Variants in DYNC2I1 observed in about 807,000 individuals in gnomAD.
DYNC2I1 encodes the protein dynein 2 intermediate chain 1, also known as cytoplasmic dynein 2 intermediate chain 1.
A neutral mutation model predicts 133.4 loss-of-function variants in DYNC2I1; 89 were observed. The observed-to-expected ratio is 0.67, with a 90% CI of 0.56 to 0.80. DYNC2I1 has a LOEUF of 0.80. Ranked by LOEUF, DYNC2I1 falls within the 30% of genes least tolerant of loss-of-function variation. DYNC2I1 has a pLI of 0.00. For synonymous variants in DYNC2I1, 504 were observed against 484.3 expected (o/e 1.04, Z -0.54); for missense variants, 1,291 against 1,314.5 (o/e 0.98, Z 0.28).
At chr7:158,858,038 G>T (rs898599400) in intron 1 of DYNC2I1, among the ~76,000 whole-genome samples, 13 of 151,914 alleles carry the variant, frequency 8.6e-5, no homozygotes, top group African/African-American at 2.9e-4. Flanking sequence ...TGATCCGCCC[G>T]CCTTGGCCTC....
chr7:158,874,622 C>T (rs1376872298), intron 3 of DYNC2I1, among the ~76,000 whole-genome samples: 1 of 152,126 alleles, frequency 6.6e-6, no homozygotes, highest in Non-Finnish European at 1.5e-5. Context: ...CCTTTCTTTC[C>T]ACAAAGCCCA....
chr7:158,929,660 C>A (rs1221268455), intron 20 of DYNC2I1, among the ~76,000 whole-genome samples: 3 of 152,280 alleles, frequency 2.0e-5, no homozygotes, highest in Non-Finnish European at 4.4e-5. Flanking sequence ...TGCCCAGCTG[C>A]AGGTTGGGCT....
chr7:158,889,066 C>CACACACACA (rs1844912181), intron 7 of DYNC2I1, among the ~76,000 whole-genome samples: 2 of 144,438 alleles, frequency 1.4e-5, no homozygotes, highest in South Asian at 2.2e-4. Context: ...CACACACACA[C>CACACACACA]CCCTCCTGTT....
At chr7:158,914,203 C>T (rs372442033) in intron 13 of DYNC2I1, 30 bp from the exon 14 acceptor site, 25 of 1,569,774 alleles carry the variant, frequency 1.6e-5, no homozygotes, top group African/African-American at 4.1e-5. Context: ...GAGTCGACTT[C>T]GTTGATTTTA....
At chr7:158,879,444 A>G (rs1843771058) in intron 4 of DYNC2I1, among the ~76,000 whole-genome samples, 2 of 152,170 alleles carry the variant, frequency 1.3e-5, no homozygotes, top group Admixed American at 6.5e-5. Context: ...GATGCTTTAA[A>G]TCGTCTCTAT....
At chr7:158,920,302 AGT>A (rs1848921283) in intron 15 of DYNC2I1, among the ~76,000 whole-genome samples, 1 of 149,430 alleles carries the variant, frequency 6.7e-6, no homozygotes, top group South Asian at 2.1e-4. Flanking sequence ...GAACACGTGA[AGT>A]GTGTGTGCAT....
the DYNC2I1 span, among the ~76,000 whole-genome samples, chr7:158,841,158 A>AATATAT: frequency 4.5e-5 from 3 of 66,504 alleles, no homozygotes; most frequent in Non-Finnish European, 8.6e-5. Flanking sequence ...TAGGTCTGCA[A>AATATAT]ATATATATAT....
intron 17 of DYNC2I1, 70 bp from the exon 18 acceptor site, chr7:158,926,117 C>G: frequency 8.1e-7 from 1 of 1,227,172 alleles, no homozygotes; most frequent in Non-Finnish European, 1.2e-6. Context: ...GTGTTTGTCC[C>G]TGTGTGATGC....
At chr7:158,942,366 T>C (rs1184586854) in intron 24 of DYNC2I1, among the ~76,000 whole-genome samples, 1 of 152,248 alleles carries the variant, frequency 6.6e-6, no homozygotes, top group Non-Finnish European at 1.5e-5. Context: ...CAGAGATTTC[T>C]AGCACCCTGT....
intron 4 of DYNC2I1, among the ~76,000 whole-genome samples, chr7:158,877,962 G>T (rs547999482): frequency 5.3e-5 from 8 of 152,376 alleles, no homozygotes; most frequent in African/African-American, 1.7e-4. Context: ...TAGGCTGAGG[G>T]CCACCAGCAT....
chr7:158,848,604 C>T, the DYNC2I1 span, among the ~76,000 whole-genome samples: 1 of 152,168 alleles, frequency 6.6e-6, no homozygotes, highest in Non-Finnish European at 1.5e-5. Context: ...TGGGGTTAAA[C>T]AAAGGTCTTT....
intron 1 of DYNC2I1, among the ~76,000 whole-genome samples, chr7:158,863,191 T>C: frequency 6.6e-6 from 1 of 151,960 alleles, no homozygotes; most frequent in Non-Finnish European, 1.5e-5. Context: ...TTACAAACCT[T>C]TAGCTAGACA....
chr7:158,887,704 C>T (rs1248547695), intron 7 of DYNC2I1, among the ~76,000 whole-genome samples: 2 of 152,198 alleles, frequency 1.3e-5, no homozygotes, highest in Admixed American at 6.5e-5. Context: ...CCCACAAAGT[C>T]GCTCAGGCTC....
chr7:158,920,613 G>A (rs1489001674), intron 15 of DYNC2I1, among the ~76,000 whole-genome samples: 1 of 149,098 alleles, frequency 6.7e-6, no homozygotes. Context: ...ACTGCAGTGT[G>A]TGGCCTCCGT....
chr7:158,886,660 G>A (rs1844637536), intron 6 of DYNC2I1, among the ~76,000 whole-genome samples: 2 of 152,280 alleles, frequency 1.3e-5, no homozygotes, highest in South Asian at 4.1e-4. Flanking sequence ...CTGTAGTGCA[G>A]TGGCACAATC....
At chr7:158,889,962 T>A (rs1471751401) in intron 7 of DYNC2I1, among the ~76,000 whole-genome samples, 2 of 141,984 alleles carry the variant, frequency 1.4e-5, no homozygotes, top group African/African-American at 5.3e-5. Flanking sequence ...GCCGAGATCG[T>A]GTCACTGCAC....
upstream of DYNC2I1, among the ~76,000 whole-genome samples, chr7:158,853,109 C>T (rs1226928548): frequency 6.6e-6 from 1 of 152,194 alleles, no homozygotes; most frequent in Non-Finnish European, 1.5e-5. Context: ...AGATCCAGGG[C>T]AGGCAGCCAT....
chr7:158,854,579 T>C (rs1401591416), upstream of DYNC2I1, among the ~76,000 whole-genome samples: 1 of 152,052 alleles, frequency 6.6e-6, no homozygotes, highest in Non-Finnish European at 1.5e-5. Flanking sequence ...CACCGTGGCA[T>C]GTGTATACCT....
intron 23 of DYNC2I1, among the ~76,000 whole-genome samples, chr7:158,935,000 G>A (rs1850608168): frequency 6.6e-6 from 1 of 152,150 alleles, no homozygotes; most frequent in Admixed American, 6.5e-5. Flanking sequence ...TTAAACTCTC[G>A]AGTAATACTT....
Sources: allele counts gnomAD v4.1 joint callset (sites outside exome capture counted in the v4.1 genomes callset), GRCh38; gene constraint gnomAD v4.1.1; transcripts MANE v1.5; gene names NCBI Gene and HGNC (gene_info 2026-07-23, HGNC 2026-07-21).